Variants in SPEF2 observed in about 807,000 individuals in gnomAD.
The protein encoded by SPEF2 is sperm flagellar and cilia associated 2, also known as sperm flagella and cilia-associated protein 2.
SPEF2 carries 187 observed loss-of-function variants against 224.6 expected under a neutral mutation model. The observed-to-expected ratio is 0.83, with a 90% CI of 0.74 to 0.94. SPEF2 has a LOEUF of 0.94. SPEF2 is among the 40% of genes least tolerant of loss of function. SPEF2 has a pLI of 0.00. For missense variants in SPEF2, 2,170 were observed against 2,135.6 expected, an observed-to-expected ratio of 1.02 and a Z score of -0.32; for synonymous variants, 715 against 707.3, an observed-to-expected ratio of 1.01 and a Z score of -0.17.
At chr5:35,734,451 G>A (rs1168222504) in intron 21 of SPEF2, among the ~76,000 whole-genome samples, 5 of 128,828 alleles carry the variant, frequency 3.9e-5, no homozygotes, top group African/African-American at 1.4e-4. Context: ...TAGCTAAGGA[G>A]CTGAAAAAAA....
intron 10 of SPEF2, among the ~76,000 whole-genome samples, chr5:35,685,014 C>T (rs1055554077): frequency 6.6e-6 from 1 of 152,084 alleles, no homozygotes; most frequent in Non-Finnish European, 1.5e-5. Context: ...AAAGCAGAAG[C>T]AAGTAATCAA....
In SPEF2 at chr5:35,631,358, C is replaced by T. The variant is rs933797803; in HGVS notation, c.161+2796C>T. 3.9e-5 allele frequency among the ~76,000 whole-genome samples: 6 copies of T among 152,266 alleles called. 1 individual carries two copies. ...CTACAAGTTGAGATTTGGGTGGGGA[C>T]ACAGAGCCAAACCATATCAGTTAGT... On this transcript the variant is annotated intron_variant, in intron 2 of 36. Coordinates refer to ENST00000356031, the MANE Select transcript of SPEF2 (RefSeq NM_024867.4).
chr5:35,811,865 A>G (rs146508525), intron 36 of SPEF2, among the ~76,000 whole-genome samples: 5,815 of 150,296 alleles, frequency 0.039, 178 homozygotes, highest in South Asian at 0.073. Context: ...GCTCACTGCA[A>G]GCTGCACCTC....
chr5:35,788,084 G>C (rs1755421492), intron 30 of SPEF2: 2 of 702,712 alleles, frequency 2.8e-6, no homozygotes, highest in South Asian at 3.0e-5. Context: ...TTTTTTTTAT[G>C]GTACTGACAA....
At chr5:35,729,785 C>G (rs1745321782) in intron 21 of SPEF2, among the ~76,000 whole-genome samples, 1 of 152,174 alleles carries the variant, frequency 6.6e-6, no homozygotes, top group Non-Finnish European at 1.5e-5. Context: ...CTTTACCATG[C>G]TGTTCTCGTG....
intron 2 of SPEF2, among the ~76,000 whole-genome samples, chr5:35,631,456 G>A (rs73078261): frequency 0.018 from 2,710 of 152,212 alleles, 83 homozygotes; most frequent in African/African-American, 0.062. Context: ...GCAGAGAGAT[G>A]GAAAATAACA....
intron 24 of SPEF2, among the ~76,000 whole-genome samples, chr5:35,754,257 A>T (rs762387015): frequency 1.5e-4 from 22 of 141,986 alleles, no homozygotes; most frequent in Non-Finnish European, 2.5e-4. Context: ...TATTAAATTT[A>T]AAAAAATTGC....
intron 16 of SPEF2, among the ~76,000 whole-genome samples, chr5:35,702,858 G>A (rs925066723): frequency 2.0e-5 from 3 of 151,974 alleles, no homozygotes; most frequent in Non-Finnish European, 2.9e-5. Context: ...AGAATTGTAC[G>A]CTAAATTTTA....
chr5:35,663,240 C>A (rs1749984210), intron 8 of SPEF2, among the ~76,000 whole-genome samples: 1 of 152,138 alleles, frequency 6.6e-6, no homozygotes. Flanking sequence ...CAGACAATTT[C>A]ATCCACAACC....
chr5:35,760,963 C>G (rs1300331408), intron 25 of SPEF2, among the ~76,000 whole-genome samples: 1 of 150,284 alleles, frequency 6.7e-6, no homozygotes, highest in Non-Finnish European at 1.5e-5. Flanking sequence ...AGTAGGCAGG[C>G]GATAAGAAAC....
intron 20 of SPEF2, among the ~76,000 whole-genome samples, chr5:35,714,680 T>TTTTA (rs70973053): frequency 0.54 from 71,958 of 134,264 alleles, 20,401 homozygotes; most frequent in Non-Finnish European, 0.62. Context: ...TTGGGTTTAT[T>TTTTA]TTTATTTATT....
intron 8 of SPEF2, among the ~76,000 whole-genome samples, chr5:35,663,587 T>C (rs530447722): frequency 1.3e-5 from 2 of 152,236 alleles, no homozygotes; most frequent in African/African-American, 4.8e-5. Flanking sequence ...CTTCATCGTG[T>C]CCATTTTCCT....
chr5:35,661,015 G>A (rs1419779077), intron 8 of SPEF2, among the ~76,000 whole-genome samples: 1 of 151,782 alleles, frequency 6.6e-6, no homozygotes, highest in African/African-American at 2.4e-5. Context: ...AGAGATGGTT[G>A]GATTTTATGG....
At chr5:35,752,902 T>C (rs899593405) in intron 23 of SPEF2, among the ~76,000 whole-genome samples, 3 of 150,686 alleles carry the variant, frequency 2.0e-5, no homozygotes, top group Admixed American at 2.0e-4. Flanking sequence ...CTCTATGTGA[T>C]AACTATTTTT....
chr5:35,667,712 C>T (rs1750682653), intron 9 of SPEF2, among the ~76,000 whole-genome samples: 1 of 152,010 alleles, frequency 6.6e-6, no homozygotes, highest in South Asian at 2.1e-4. Context: ...AAACTTTTTG[C>T]TTTGAAAAAG....
intron 20 of SPEF2, among the ~76,000 whole-genome samples, chr5:35,715,063 A>G (rs538303541): frequency 6.7e-4 from 102 of 151,842 alleles, no homozygotes; most frequent in African/African-American, 2.3e-3. Flanking sequence ...CAACAGGCAT[A>G]TGCCACCACG....
chr5:35,690,971 A>C, intron 10 of SPEF2, 66 bp from the exon 11 acceptor site: 1 of 1,336,334 alleles, frequency 7.5e-7, no homozygotes, highest in East Asian at 2.4e-5. Flanking sequence ...TTAACATTTA[A>C]ATATTTCATA....
intron 30 of SPEF2, chr5:35,788,041 G>A (rs1755413555): frequency 1.4e-6 from 1 of 702,930 alleles, no homozygotes; most frequent in Non-Finnish European, 2.6e-6. Context: ...TGTGTCGTAA[G>A]CATGGAGTGA....
In SPEF2 at chr5:35,691,148, C is replaced by A; in HGVS notation, c.1636C>A (p.Pro546Thr). The A allele has an allele frequency of 6.2e-7, 1 of 1,614,076 alleles. No homozygotes were observed. The highest frequency in any genetic ancestry group is 8.5e-7 in the Non-Finnish European group (1 of 1,179,980). The change falls in exon 11 of 37, where the codon CCT becomes ACT. Residue 546 changes from proline to threonine, a missense_variant. Pro to Thr is a conservative substitution (Grantham distance 38). Coordinates refer to ENST00000356031, the MANE Select transcript of SPEF2 (RefSeq NM_024867.4). Reference protein sequence around the residue: ...LHRLAEKSLPPRAESTTPELP... With the variant: ...LHRLAEKSLPTRAESTTPELP... ...CAGGCTAGCTGAAAAATCTCTTCCTCCTCGAGCGGAATCAACAACACCTGA... is the reference window on the plus strand; with the variant it reads ...CAGGCTAGCTGAAAAATCTCTTCCTACTCGAGCGGAATCAACAACACCTGA...
Sources: gnomAD v4.1 joint callset for allele counts (sites outside exome capture counted in the v4.1 genomes callset) on GRCh38, gnomAD v4.1.1 for gene constraint, MANE v1.5 for transcripts, NCBI Gene and HGNC (gene_info 2026-07-23, HGNC 2026-07-21) for gene names.